The following TRIM67 variants were observed in gnomAD, a reference collection of about 807,000 sequenced individuals.
TRIM67 encodes the protein tripartite motif-containing protein 67.
TRIM67 carries 39 observed loss-of-function variants against 71.0 expected under a neutral mutation model. The ratio of observed to expected loss-of-function variants is 0.55; its 90% CI spans 0.43 to 0.72. TRIM67 has a LOEUF of 0.72. Ranked by LOEUF, TRIM67 falls within the 30% of genes least tolerant of loss-of-function variation. The pLI is 0.00. For missense variants in TRIM67, 973 were observed against 1,079.2 expected, an observed-to-expected ratio of 0.90 and a Z score of 1.38; for synonymous variants, 481 against 473.9, an observed-to-expected ratio of 1.01 and a Z score of -0.19.
chr1:231,204,091 T>C, intron 6 of TRIM67, 79 bp downstream of exon 6: 1 of 1,579,462 alleles, frequency 6.3e-7, no homozygotes, highest in Non-Finnish European at 8.6e-7. Context: ...CCCCAGACTC[T>C]GGTTCAGCCC....
chr1:231,165,916 AC>A (rs1050126022), intron 1 of TRIM67, among the ~76,000 whole-genome samples: 11 of 152,224 alleles, frequency 7.2e-5, no homozygotes, highest in Non-Finnish European at 1.3e-4. Context: ...AAGAGTGGAA[AC>A]CAAAGAGAGT....
chr1:231,186,988 C>G (rs1002931167), intron 1 of TRIM67, among the ~76,000 whole-genome samples: 3 of 152,118 alleles, frequency 2.0e-5, no homozygotes, highest in Non-Finnish European at 4.4e-5. Flanking sequence ...ACGGCTGCCT[C>G]ATCAGCAAGG....
intron 2 of TRIM67, 92 bp downstream of exon 2, chr1:231,197,558 G>T: frequency 8.4e-7 from 1 of 1,188,430 alleles, no homozygotes; most frequent in South Asian, 1.3e-5. Flanking sequence ...GGGCACGGTG[G>T]CTCACACCTG....
At position 231,163,883 on chromosome 1, in the gene TRIM67, A is replaced by T; in HGVS notation, c.914A>T (p.Glu305Val). 2 of 1,579,716 alleles carry T rather than the reference A, an allele frequency of 1.3e-6. No homozygotes were observed. Among genetic ancestry groups the T allele is most frequent in the Non-Finnish European group, 8.6e-7 (1 of 1,163,488 alleles). The change falls in exon 1 of 10, where the codon GAG becomes GTG. Residue 305 changes from glutamate to valine, a missense_variant. This residue lies in a region of TRIM67 where 795 missense variants were observed against 831.3 expected (regional missense o/e 0.96). Coordinates refer to ENST00000366653, the MANE Select transcript of TRIM67 (RefSeq NM_001004342.5). ...STARKFPTCP[E>V]HEMENYSMYC... ...GCCCGCAAGTTCCCCACGTGTCCCG[A>T]GCATGAAATGGAGAACTACAGCATG...
At chr1:231,202,147 AGGTAGC>A (rs1683558165) in intron 5 of TRIM67, among the ~76,000 whole-genome samples, 29 of 2,712 alleles carry the variant, frequency 0.011, no homozygotes, top group East Asian at 0.021. Flanking sequence ...GAGGAGGAAG[AGGTAGC>A]GGAGGAGGAG....
chr1:231,167,385 G>C (rs1180326155), intron 1 of TRIM67, among the ~76,000 whole-genome samples: 1 of 107,474 alleles, frequency 9.3e-6, no homozygotes, highest in Non-Finnish European at 1.8e-5. Context: ...TGCAGTGGCG[G>C]GATCTCGGCT....
At chr1:231,185,159 C>A (rs1683032542) in intron 1 of TRIM67, 1 of 1,532,894 alleles carries the variant, frequency 6.5e-7, no homozygotes, top group Non-Finnish European at 8.7e-7. Flanking sequence ...GTCCAGCCAG[C>A]CAGCCTGTAC....
At position 231,164,026 on chromosome 1, in the gene TRIM67, G is replaced by T. The variant is rs749155573; in HGVS notation, c.1044+13G>T. ...GAAGCAGCACAAGGTGAGCCCGCGG[G>T]ACGCGGGAGTGCAGGTGCCAGGGAA... On this transcript the variant is annotated intron_variant, in intron 1 of 9. Transcript: ENST00000366653. The T allele has an allele frequency of 2.0e-6, 3 of 1,491,060 alleles. No homozygotes were observed. The highest frequency in any genetic ancestry group is 2.8e-5 in the African/African-American group (2 of 71,006). 92.4% of individuals were successfully genotyped at this position (1,491,060 alleles called of 1,614,324 possible). A position where few individuals can be genotyped will look rare whatever the true frequency, so the allele number is the denominator to read the frequency against.
intron 1 of TRIM67, chr1:231,184,052 T>A (rs967774784): frequency 6.6e-6 from 1 of 152,220 alleles, no homozygotes. Context: ...GGAGTTATCA[T>A]CCTGCTGGCC....
In TRIM67 at chr1:231,162,803, A is replaced by C. The variant is rs1041258524; in HGVS notation, c.-167A>C. ...CCTCAATCATCTTAGGGCGGTGGCTACAGGACAGAGAGAGGGGCGTGCCCC... is the reference window on the plus strand; with the variant it reads ...CCTCAATCATCTTAGGGCGGTGGCTCCAGGACAGAGAGAGGGGCGTGCCCC... On this transcript the variant is annotated 5_prime_UTR_variant, in exon 1 of 10. Coordinates refer to ENST00000366653, the MANE Select transcript of TRIM67 (RefSeq NM_001004342.5). 6.0e-6 allele frequency: 5 copies of C among 834,126 alleles called. No individual in the cohort carries two copies. The highest frequency in any genetic ancestry group is 1.8e-5 in the South Asian group (1 of 55,686). 51.7% of individuals were successfully genotyped at this position (834,126 alleles called of 1,614,324 possible). A position where few individuals can be genotyped will look rare whatever the true frequency, so the allele number is the denominator to read the frequency against.
intron 3 of TRIM67, 135 bp from the exon 4 acceptor site, chr1:231,200,013 A>G (rs28399054): frequency 1.6e-6 from 1 of 643,634 alleles, no homozygotes; most frequent in Non-Finnish European, 2.8e-6. Context: ...GAGCTGAGAG[A>G]GGAGCTGGTG....
chr1:231,197,811 G>A (rs1447911422), intron 2 of TRIM67, among the ~76,000 whole-genome samples: 5 of 152,054 alleles, frequency 3.3e-5, no homozygotes, highest in Non-Finnish European at 5.9e-5. Flanking sequence ...GGCAACAAGA[G>A]AGAAAGTCTG....
rs1454427118 is a variant in TRIM67 at position 231,163,526 on chromosome 1, T to G, written c.557T>G (p.Val186Gly). Reference sequence around the variant, plus strand: ...CGCAACCGGCTGCTCGAGGCCATCGTGCAGCGGTACCAGCAGGGCCGCGGG... The same window carrying G: ...CGCAACCGGCTGCTCGAGGCCATCGGGCAGCGGTACCAGCAGGGCCGCGGG... ...FQRNRLLEAI[V>G]QRYQQGRGAV... Residue 186 changes from valine (V) to glycine (G), a missense_variant, in exon 1 of 10, where the codon GTG (valine) becomes GGG (glycine). Val to Gly is a moderately radical substitution (Grantham distance 109, BLOSUM62 -3). This residue lies in a region of TRIM67 where 795 missense variants were observed against 831.3 expected (regional missense o/e 0.96). Transcript: ENST00000366653. The G allele has an allele frequency of 5.9e-6, 9 of 1,516,476 alleles. No individual in the cohort carries two copies. The allele number at this position is 1,516,476 out of a possible 1,614,324, so 93.9% of individuals were successfully genotyped here.
At chr1:231,195,826 G>A (rs1015464328) in intron 1 of TRIM67, among the ~76,000 whole-genome samples, 2 of 152,200 alleles carry the variant, frequency 1.3e-5, no homozygotes, top group Non-Finnish European at 1.5e-5. Flanking sequence ...CTTCACCCAC[G>A]ACCTCTGATC....
chr1:231,211,051 T>TTTTG (rs35937350), intron 8 of TRIM67, among the ~76,000 whole-genome samples: 35 of 108,798 alleles, frequency 3.2e-4, no homozygotes, highest in Non-Finnish European at 3.4e-4. Flanking sequence ...TATATATATA[T>TTTTG]TTTGTTTGTT....
At chr1:231,192,563 C>G (rs1683259573) in intron 1 of TRIM67, among the ~76,000 whole-genome samples, 1 of 152,226 alleles carries the variant, frequency 6.6e-6, no homozygotes, top group African/African-American at 2.4e-5. Context: ...GGTCTGATTT[C>G]CACAATGCTA....
intron 9 of TRIM67, 60 bp from the exon 10 acceptor site, chr1:231,215,315 A>G: frequency 6.3e-7 from 1 of 1,577,300 alleles, no homozygotes; most frequent in Non-Finnish European, 8.6e-7. Context: ...GTGCTGTCAG[A>G]GCCCTCAGGG....
chr1:231,198,932 G>C, intron 2 of TRIM67, 115 bp from the exon 3 acceptor site: 2 of 1,515,490 alleles, frequency 1.3e-6, no homozygotes, highest in Non-Finnish European at 1.8e-6. Flanking sequence ...ACATTATAGA[G>C]AAATCTAGGA....
At chr1:231,185,172 C>T in intron 1 of TRIM67, 1 of 1,532,948 alleles carries the variant, frequency 6.5e-7, no homozygotes, top group Non-Finnish European at 8.7e-7. Flanking sequence ...GCCTGTACTC[C>T]ACGGCGTCCA....
Sources: allele counts gnomAD v4.1 joint callset (sites outside exome capture counted in the v4.1 genomes callset), GRCh38; gene constraint gnomAD v4.1.1; regional missense constraint gnomAD v4.1.1; transcripts MANE v1.5; gene names NCBI Gene and HGNC (gene_info 2026-07-23, HGNC 2026-07-21).